Variants in VPS36 observed in about 807,000 individuals in gnomAD.
The protein encoded by VPS36 is vacuolar protein-sorting-associated protein 36.
In VPS36, 31 loss-of-function variants were observed where a neutral mutation model predicts 63.5. That is an observed-to-expected ratio of 0.49 (90% confidence interval 0.37 to 0.66). The LOEUF (loss-of-function observed/expected upper bound fraction) is 0.66, where lower values mean the gene tolerates loss of function less well. Among genes scored for constraint, VPS36 ranks in the 30% least tolerant of loss-of-function variants. VPS36 has a pLI of 0.00. For synonymous variants in VPS36, 138 were observed against 157.2 expected (o/e 0.88, Z 0.91); for missense variants, 338 against 463.7 (o/e 0.73, Z 2.49).
At chr13:52,437,317 T>C (rs754930876) in intron 3 of VPS36, among the ~76,000 whole-genome samples, 5 of 152,192 alleles carry the variant, frequency 3.3e-5, no homozygotes, top group Non-Finnish European at 7.3e-5. Flanking sequence ...TCCTATTCCC[T>C]TGTGGTAAAC....
At chr13:52,436,535 C>G (rs1958220243) in intron 3 of VPS36, 131 bp from the exon 4 acceptor site, 1 of 672,716 alleles carries the variant, frequency 1.5e-6, no homozygotes, top group Non-Finnish European at 2.5e-6. Context: ...CAAAAAGCAT[C>G]CTTTTAAAGT....
chr13:52,424,784 G>A (rs1004099763), intron 9 of VPS36, among the ~76,000 whole-genome samples: 2 of 152,148 alleles, frequency 1.3e-5, no homozygotes, highest in African/African-American at 2.4e-5. Context: ...TCAGGAGTTC[G>A]AGACTAGCCT....
intron 6 of VPS36, among the ~76,000 whole-genome samples, chr13:52,431,572 G>C (rs1419777103): frequency 9.9e-5 from 15 of 151,922 alleles, no homozygotes; most frequent in Admixed American, 9.8e-4. Context: ...AGAGCAGCCT[G>C]ACCAACATGG....
At chr13:52,423,914 G>A (rs1219319862) in intron 9 of VPS36, among the ~76,000 whole-genome samples, 1 of 152,024 alleles carries the variant, frequency 6.6e-6, no homozygotes, top group Non-Finnish European at 1.5e-5. Flanking sequence ...CCAGAGTGCA[G>A]TGGTACAATC....
chr13:52,426,347 C>A (rs1325026852), intron 8 of VPS36, among the ~76,000 whole-genome samples: 1 of 152,100 alleles, frequency 6.6e-6, no homozygotes, highest in Non-Finnish European at 1.5e-5. Flanking sequence ...TTAATGCCAA[C>A]CAAATAGTAC....
At chr13:52,434,106 ATTAAG>A (rs1958188502) in intron 5 of VPS36, among the ~76,000 whole-genome samples, 1 of 152,294 alleles carries the variant, frequency 6.6e-6, no homozygotes. Flanking sequence ...TTGGTTCTTA[ATTAAG>A]TTATTATTCA....
intron 10 of VPS36, 133 bp downstream of exon 10, chr13:52,423,441 G>T: frequency 1.5e-6 from 1 of 667,520 alleles, no homozygotes. Flanking sequence ...TCCCAGGACA[G>T]TATTCTTTCA....
rs1958040533 is a variant in VPS36 at position 52,421,017 on chromosome 13, A to C, written c.840+2557T>G. On this transcript the variant is annotated intron_variant, in intron 10 of 13. Transcript: ENST00000378060. ...ACGGCTGTAATCCCAGCTACTTGAG[A>C]AGCTGAAGCACAAGAATTGCTTGAA... Among the ~76,000 whole-genome samples the C allele has an allele frequency of 1.3e-5, 2 of 152,146 alleles. 1 individual carries two copies. The highest frequency in any genetic ancestry group is 4.1e-4 in the South Asian group (2 of 4,828).
chr13:52,430,589 G>A (rs532772271), intron 6 of VPS36, among the ~76,000 whole-genome samples: 43 of 151,080 alleles, frequency 2.8e-4, no homozygotes, highest in Non-Finnish European at 5.0e-4. Flanking sequence ...CCAAGATTGC[G>A]CCACTGCACT....
chr13:52,420,671 G>T (rs985839971), intron 10 of VPS36, among the ~76,000 whole-genome samples: 5 of 152,098 alleles, frequency 3.3e-5, no homozygotes, highest in African/African-American at 9.7e-5. Flanking sequence ...AGTGGAATTG[G>T]AATGTTCCTA....
At chr13:52,422,227 T>TGTC (rs1354515003) in intron 10 of VPS36, among the ~76,000 whole-genome samples, 2 of 152,224 alleles carry the variant, frequency 1.3e-5, no homozygotes, top group Non-Finnish European at 2.9e-5. Context: ...TGTCTTTCTG[T>TGTC]GTCTGGCTTA....
chr13:52,446,545 T>C (rs1958345565), intron 1 of VPS36, among the ~76,000 whole-genome samples: 4 of 152,210 alleles, frequency 2.6e-5, no homozygotes, highest in Admixed American at 2.6e-4. Flanking sequence ...ACTCAGAACC[T>C]AGAATAATTT....
chr13:52,436,254 C>CACACACACACACACACACACA (rs769081362), intron 4 of VPS36, 36 bp downstream of exon 4: 5 of 1,347,374 alleles, frequency 3.7e-6, no homozygotes, highest in Middle Eastern at 1.8e-4. Context: ...CACACACACA[C>CACACACACACACACACACACA]CTTTCTAGTA....
At position 52,416,025 on chromosome 13, in the gene VPS36, G is replaced by A; in HGVS notation, c.1059C>T (p.Ala353=). 6.2e-7 allele frequency: 1 copy of A among 1,613,794 alleles called. No homozygotes were observed. Residue 353 remains alanine (A), a synonymous_variant, in exon 13 of 14, where the codon GCC becomes GCT. Coordinates refer to ENST00000378060, the MANE Select transcript of VPS36 (RefSeq NM_016075.4). ...AKLVGMSVLL[A]KERLLLAEKM... ...GTAAGAACCTTACTTACCTTTCTTT[G>A]GCTAGGAGGACAGACATTCCCACAA...
At position 52,415,851 on chromosome 13, in the gene VPS36, AT is replaced by A. The variant is rs754007782; in HGVS notation, c.1139del (p.Asn380IlefsTer4). Reference protein sequence around the residue: ...DSVEGLRFYPNLFMTQS With the variant: ...DSVEGLRFYPXLFMTQS Reference sequence around the variant, plus strand: ...ACCCTTAGCTCTGTGTCATAAATAAATTTGGGTAAAAACGCAGGCCTTCCAC... The same window carrying A: ...ACCCTTAGCTCTGTGTCATAAATAAATTGGGTAAAAACGCAGGCCTTCCAC... On this transcript the variant is annotated frameshift_variant, in exon 14 of 14. Coordinates refer to ENST00000378060, the MANE Select transcript of VPS36 (RefSeq NM_016075.4). LOFTEE classifies it high-confidence loss of function. The A allele has an allele frequency of 2.5e-6, 4 of 1,614,102 alleles. No individual in the cohort carries two copies. The highest frequency in any genetic ancestry group is 3.4e-6 in the Non-Finnish European group (4 of 1,179,992).
chr13:52,446,333 T>C (rs916388647), intron 1 of VPS36, among the ~76,000 whole-genome samples: 2 of 152,010 alleles, frequency 1.3e-5, no homozygotes, highest in African/African-American at 4.8e-5. Flanking sequence ...AAACTTCGTA[T>C]GTTATCTTAC....
intron 4 of VPS36, 96 bp from the exon 5 acceptor site, chr13:52,434,978 T>C (rs1958199672): frequency 7.8e-6 from 10 of 1,283,204 alleles, no homozygotes; most frequent in African/African-American, 4.6e-5. Flanking sequence ...TTTCTTTTTT[T>C]TTTTTTTTTT....
rs754862630 is a variant in VPS36, at chr13:52,416,055, A to G, written c.1029T>C (p.Ala343=). ...GGAGGACAGACATTCCCACAAGCTT[A>G]GCAAACTCTTCTGATGTTAGGGATC... is the stretch of plus-strand genomic sequence containing the variant. ...EKGSLTSEEF[A]KLVGMSVLLA... Residue 343 remains alanine, a synonymous_variant, in exon 13 of 14, where the codon GCT becomes GCC. Transcript: ENST00000378060. 1 of 1,614,028 alleles carries G rather than the reference A, an allele frequency of 6.2e-7. No individual in the cohort carries two copies.
At chr13:52,427,156 T>C in intron 7 of VPS36, 31 bp downstream of exon 7, 2 of 1,610,438 alleles carry the variant, frequency 1.2e-6, no homozygotes, top group Non-Finnish European at 1.7e-6. Context: ...TCATAATTGG[T>C]ATGAATTTAA....
Sources: allele counts gnomAD v4.1 joint callset (sites outside exome capture counted in the v4.1 genomes callset), GRCh38; gene constraint gnomAD v4.1.1; transcripts MANE v1.5; gene names NCBI Gene and HGNC (gene_info 2026-07-23, HGNC 2026-07-21).